ENTPD5: variants seen among roughly 807,000 people sequenced by gnomAD.
The protein encoded by ENTPD5 is nucleoside diphosphate phosphatase ENTPD5.
ENTPD5 carries 49 observed loss-of-function variants against 60.2 expected under a neutral mutation model. The observed-to-expected ratio is 0.81, with a 90% confidence interval of 0.65 to 1.03. The LOEUF is 1.03. Ranked by LOEUF, ENTPD5 falls within the 50% of genes least tolerant of loss-of-function variation. The pLI is 0.00. For synonymous variants in ENTPD5, 187 were observed against 185.4 expected (o/e 1.01, Z -0.07); for missense variants, 480 against 507.6 (o/e 0.95, Z 0.52).
intron 11 of ENTPD5, among the ~76,000 whole-genome samples, 170 bp downstream of exon 11, chr14:73,974,754 C>A (rs1337156075): frequency 6.6e-6 from 1 of 152,182 alleles, no homozygotes; most frequent in Non-Finnish European, 1.5e-5. Flanking sequence ...AACTTCTGAA[C>A]TTATAAACTA....
chr14:73,959,935 A>G (rs1594808315), downstream of ENTPD5: 4 of 1,153,006 alleles, frequency 3.5e-6, no homozygotes, highest in East Asian at 6.2e-5. Flanking sequence ...CTTTGTAACT[A>G]TAATGCTTGG....
chr14:73,977,535 C>T (rs7152760), intron 6 of ENTPD5, among the ~76,000 whole-genome samples, 161 bp from the exon 7 acceptor site: 3,811 of 152,158 alleles, frequency 0.025, 166 homozygotes, highest in African/African-American at 0.088. Flanking sequence ...AGAGAAGAAA[C>T]TAGGCAAGCC....
intron 3 of ENTPD5, among the ~76,000 whole-genome samples, chr14:73,999,178 T>C (rs1367114366): frequency 1.3e-5 from 2 of 152,154 alleles, no homozygotes; most frequent in Non-Finnish European, 2.9e-5. Context: ...ACCGTAACTT[T>C]TTAAACTAAG....
intron 6 of ENTPD5, among the ~76,000 whole-genome samples, chr14:73,978,401 C>A (rs1394888375): frequency 6.6e-6 from 1 of 151,696 alleles, no homozygotes; most frequent in Non-Finnish European, 1.5e-5. Context: ...GTCAGGAGTT[C>A]GAGACCGGCC....
At chr14:74,008,651 T>G (rs2058753233) in intron 3 of ENTPD5, among the ~76,000 whole-genome samples, 1 of 152,148 alleles carries the variant, frequency 6.6e-6, no homozygotes. Flanking sequence ...CGCCTCGGCC[T>G]CCCAAAGTGC....
At chr14:73,973,768 C>T in intron 12 of ENTPD5, 109 bp downstream of exon 12, 1 of 877,924 alleles carries the variant, frequency 1.1e-6, no homozygotes. Flanking sequence ...TGGAATAAGT[C>T]CCTGCAACAA....
chr14:73,991,924 G>A (rs1392241424), intron 3 of ENTPD5, among the ~76,000 whole-genome samples: 4 of 151,198 alleles, frequency 2.6e-5, no homozygotes, highest in African/African-American at 4.9e-5. Context: ...ACTTGAACCC[G>A]GGAGGTGAAG....
Position 73,973,944 on chromosome 14 carries a change from T to C in ENTPD5, c.819A>G (p.Leu273=), listed in dbSNP as rs1345162460. ...TDGHTFRSAC[L]PRWLEAEWIF... ...TCCACTCTGCTTCCAACCATCTCGG[T>C]AAACAGGCACTCCGGAAAGTGTGCC... The change falls in exon 12 of 16, where the codon TTA becomes TTG. Residue 273 remains leucine, a synonymous_variant. Transcript: ENST00000334696. The C allele has an allele frequency of 6.2e-7, 1 of 1,614,070 alleles. No individual in the cohort carries two copies.
intron 10 of ENTPD5, among the ~76,000 whole-genome samples, chr14:73,975,581 T>C (rs1185751925): frequency 6.6e-6 from 1 of 152,076 alleles, no homozygotes; most frequent in African/African-American, 2.4e-5. Context: ...ATTTTTGTAT[T>C]TTAGTAGAGA....
At position 74,001,112 on chromosome 14, in the gene ENTPD5, C is replaced by T. The variant is rs189064469; in HGVS notation, c.-71+9979G>A. Among the ~76,000 whole-genome samples the T allele has an allele frequency of 3.2e-3, 482 of 152,110 alleles. 1 individual carries two copies. The highest frequency in any genetic ancestry group is 9.7e-3 in the Admixed American group (148 of 15,282). On this transcript the variant is annotated intron_variant, in intron 3 of 15. Coordinates refer to ENST00000334696, the MANE Select transcript of ENTPD5 (RefSeq NM_001249.5). ...ATGACTCATGCCTGTAATCCTAGCA[C>T]TTTGGGAGGCCAAAGTGGGAGGATT...
At chr14:73,970,987 G>A (rs1482663062) in intron 14 of ENTPD5, among the ~76,000 whole-genome samples, 2 of 151,778 alleles carry the variant, frequency 1.3e-5, no homozygotes, top group African/African-American at 4.8e-5. Flanking sequence ...ACTGTGCCTA[G>A]CTCTCTTGGT....
downstream of ENTPD5, chr14:73,960,371 C>T (rs999843215): frequency 5.1e-6 from 5 of 987,070 alleles, no homozygotes; most frequent in South Asian, 1.9e-4. Context: ...GGAGTAGACA[C>T]AGCCTTTGGA....
rs181224021 is a variant in ENTPD5 at position 73,970,057 on chromosome 14, C to T, written c.1153G>A (p.Ala385Thr). ...FLCMDLSYIT[A>T]LLKDGFGFAD... ...AAGCCAAAGCCATCCTTTAACAGGG[C>T]TGTGATGTAGCTGAGATCCATGCAC... The change falls in exon 15 of 16, where the codon GCC becomes ACC. Residue 385 changes from alanine to threonine, a missense_variant. Ala to Thr is a moderately conservative substitution (Grantham distance 58). Coordinates refer to ENST00000334696, the MANE Select transcript of ENTPD5 (RefSeq NM_001249.5). 35 of 1,613,946 alleles carry T rather than the reference C, an allele frequency of 2.2e-5. No homozygotes were observed. The South Asian group carries it at 2.5e-4, about 12-fold the overall frequency.
At chr14:73,975,845 A>G in intron 10 of ENTPD5, 91 bp downstream of exon 10, 1 of 1,112,310 alleles carries the variant, frequency 9.0e-7, no homozygotes, top group Non-Finnish European at 1.3e-6. Context: ...TGTTTTTGCT[A>G]ATCAGATACA....
chr14:74,013,297 C>T (rs183411509), intron 2 of ENTPD5, among the ~76,000 whole-genome samples: 1 of 152,174 alleles, frequency 6.6e-6, no homozygotes, highest in Non-Finnish European at 1.5e-5. Context: ...ACTTCCCTCT[C>T]CTTTCAGTCC....
intron 13 of ENTPD5, among the ~76,000 whole-genome samples, chr14:73,972,602 T>G (rs1413519337): frequency 6.6e-6 from 1 of 152,154 alleles, no homozygotes; most frequent in Non-Finnish European, 1.5e-5. Context: ...GATTCATGGG[T>G]GTATACATGA....
chr14:73,969,292 C>A (rs1463226596), intron 15 of ENTPD5, among the ~76,000 whole-genome samples: 1 of 152,146 alleles, frequency 6.6e-6, no homozygotes, highest in Non-Finnish European at 1.5e-5. Flanking sequence ...AAATGGAACC[C>A]AAGATTCAGA....
In ENTPD5 at chr14:73,967,121, A is replaced by C. The variant is rs543619874; in HGVS notation, c.1201-107T>G. 4 of 847,754 alleles carry C rather than the reference A, an allele frequency of 4.7e-6. No homozygotes were observed. In the Admixed American group the frequency reaches 9.3e-5, roughly 20 times the overall value. The allele number at this position is 847,754 out of a possible 1,614,324, so 52.5% of individuals were successfully genotyped here. On this transcript the variant is annotated intron_variant, in intron 15 of 15. Transcript: ENST00000334696. ...CAAAGAATATCCACATGGGCAAACC[A>C]AGGCAAAACGGACAGAAGCCAGTCT...
intron 9 of ENTPD5, 46 bp downstream of exon 9, chr14:73,976,278 C>T (rs370811247): frequency 1.3e-5 from 20 of 1,530,796 alleles, no homozygotes; most frequent in Middle Eastern, 3.4e-4. Context: ...CACCATGATA[C>T]GCCTGCCAAG....
Sources: allele counts gnomAD v4.1 joint callset (sites outside exome capture counted in the v4.1 genomes callset), GRCh38; gene constraint gnomAD v4.1.1; transcripts MANE v1.5; gene names NCBI Gene and HGNC (gene_info 2026-07-23, HGNC 2026-07-21).